Variants in GTF3C3 observed in about 807,000 individuals in gnomAD.
The protein encoded by GTF3C3 is general transcription factor IIIC subunit 3.
Under a neutral mutation model 105.2 loss-of-function variants are expected in GTF3C3, and 75 were observed. The observed-to-expected ratio is 0.71, with a 90% confidence interval of 0.59 to 0.86. The LOEUF is 0.86. GTF3C3 is among the 40% of genes least tolerant of loss of function. GTF3C3 has a pLI of 0.00. For synonymous variants in GTF3C3, 335 were observed against 370.4 expected (o/e 0.90, Z 1.10); for missense variants, 856 against 1,076.5 (o/e 0.80, Z 2.87).
chr2:196,788,788 G>A (rs1699495709), intron 6 of GTF3C3, among the ~76,000 whole-genome samples: 2 of 152,098 alleles, frequency 1.3e-5, no homozygotes, highest in South Asian at 4.1e-4. Flanking sequence ...TACAGGGCTG[G>A]GCACGGTGGC....
chr2:196,790,048 G>A lies in GTF3C3; in HGVS notation c.558C>T (p.Phe186=), dbSNP rs910279415. 1.9e-6 allele frequency: 3 copies of A among 1,608,194 alleles called. No individual in the cohort carries two copies. The highest frequency in any genetic ancestry group is 3.4e-5 in the Admixed American group (2 of 58,696). ...IRQAPLAYEP[F]STLAMIYEDQ... is the part of the protein sequence containing the mutation. The stretch of plus-strand genomic sequence containing the variant: ...CCTCATATATCATGGCTAGAGTAGA[G>A]AATGGCTCATAAGCCAGAGGAGCTA... Residue 186 remains phenylalanine, a synonymous_variant, in exon 5 of 18, where the codon TTC becomes TTT. Coordinates refer to ENST00000263956, the MANE Select transcript of GTF3C3 (RefSeq NM_012086.5).
At chr2:196,788,606 T>C (rs987406693) in intron 6 of GTF3C3, among the ~76,000 whole-genome samples, 1 of 152,206 alleles carries the variant, frequency 6.6e-6, no homozygotes, top group Admixed American at 6.5e-5. Context: ...ATTGCAAATA[T>C]ACACACTTTT....
chr2:196,769,904 G>T lies in GTF3C3; in HGVS notation c.2385+11C>A. 6.3e-7 allele frequency: 1 copy of T among 1,596,268 alleles called. No homozygotes were observed. The highest frequency in any genetic ancestry group is 8.6e-7 in the Non-Finnish European group (1 of 1,169,440). Reference sequence around the variant, plus strand: ...CATAAAATCAAGTAACGAGAAATTTGAATGAATTACCTGTACAATAAGAGC... The same window carrying T: ...CATAAAATCAAGTAACGAGAAATTTTAATGAATTACCTGTACAATAAGAGC... On this transcript the variant is annotated intron_variant, in intron 16 of 17. Transcript: ENST00000263956.
Position 196,776,321 on chromosome 2 carries a change from C to A in GTF3C3, c.1593+106G>T. 1 of 965,584 alleles carries A rather than the reference C, an allele frequency of 1.0e-6. No individual in the cohort carries two copies. The highest frequency in any genetic ancestry group is 2.4e-5 in the East Asian group (1 of 41,082). 59.8% of individuals were successfully genotyped at this position (965,584 alleles called of 1,614,324 possible). A position where few individuals can be genotyped will look rare whatever the true frequency, so the allele number is the denominator to read the frequency against. ...ATCATTTTTCAAAAACTTGAATACA[C>A]TAAAATAAAATTTTGGATATAAGCT... On this transcript the variant is annotated intron_variant, in intron 11 of 17. Transcript: ENST00000263956. This position sits in a 1 kb window ranked among gnomAD's most constrained non-coding sequence, Gnocchi z 4.5.
intron 8 of GTF3C3, among the ~76,000 whole-genome samples, chr2:196,781,357 AATATATATATAT>A (rs1553578901): frequency 1.6e-4 from 3 of 18,812 alleles, no homozygotes; most frequent in African/African-American, 3.1e-4. Flanking sequence ...AAAAAAAAAA[AATATATATATAT>A]ATATATATAT....
chr2:196,769,655 A>G (rs974050550), intron 16 of GTF3C3, among the ~76,000 whole-genome samples: 4 of 152,134 alleles, frequency 2.6e-5, no homozygotes, highest in Non-Finnish European at 5.9e-5. Flanking sequence ...GAAGCCTGCC[A>G]GTGCATTCCT....
rs771772989 is a variant in GTF3C3, at chr2:196,784,737, CTTA to C, written c.1114+117_1114+119del. On this transcript the variant is annotated intron_variant, in intron 8 of 17. Transcript: ENST00000263956. ...GAGAAAAAAATGCTTCTTGGGAAAA[CTTA>C]TTATGAGAACATTAACTATCAACTC... 3.5e-5 allele frequency: 42 copies of C among 1,214,968 alleles called. 1 individual carries two copies. The East Asian group carries it at 8.2e-4, about 24-fold the overall frequency. The allele number at this position is 1,214,968 out of a possible 1,614,324, so 75.3% of individuals were successfully genotyped here.
At position 196,764,501 on chromosome 2, in the gene GTF3C3, G is replaced by C; in HGVS notation, c.*62C>G. ...TTTGGAGTTACAAATAATAAGCCCT[G>C]AGACAGAAGACACTGGTCCTCACAC... On this transcript the variant is annotated 3_prime_UTR_variant, in exon 18 of 18. Transcript: ENST00000263956. 1 of 1,472,190 alleles carries C rather than the reference G, an allele frequency of 6.8e-7. No homozygotes were observed. Among genetic ancestry groups the C allele is most frequent in the Non-Finnish European group, 9.2e-7 (1 of 1,088,112 alleles). The allele number at this position is 1,472,190 out of a possible 1,614,324, so 91.2% of individuals were successfully genotyped here.
At chr2:196,795,465 GGATCATATTCAA>G (rs1699626822) in intron 2 of GTF3C3, among the ~76,000 whole-genome samples, 2 of 152,156 alleles carry the variant, frequency 1.3e-5, no homozygotes, top group Middle Eastern at 6.8e-3. Flanking sequence ...GAAGTCATAA[GGATCATATTCAA>G]GAATTCTGAA....
intron 14 of GTF3C3, among the ~76,000 whole-genome samples, 187 bp from the exon 15 acceptor site, chr2:196,772,125 G>T (rs183686247): frequency 6.6e-6 from 1 of 152,140 alleles, no homozygotes; most frequent in East Asian, 1.9e-4. Flanking sequence ...CCCAGAAAAT[G>T]TTGCTTAAGT....
chr2:196,773,619 A>T (rs762411408), intron 13 of GTF3C3: 1 of 411,250 alleles, frequency 2.4e-6, no homozygotes, highest in South Asian at 1.8e-5. Context: ...TGTGCACTTT[A>T]TTTCCATTAT....
chr2:196,791,272 T>A (rs575524927), intron 4 of GTF3C3, 65 bp downstream of exon 4: 1 of 1,501,398 alleles, frequency 6.7e-7, no homozygotes, highest in Admixed American at 1.7e-5. Context: ...TGTGAAGTGC[T>A]CCCCCATTTG....
intron 16 of GTF3C3, 128 bp downstream of exon 16, chr2:196,769,787 G>T: frequency 1.4e-6 from 1 of 692,874 alleles, no homozygotes; most frequent in Non-Finnish European, 2.4e-6. Context: ...GGTAAGTGTT[G>T]GGGACCCCCG....
chr2:196,784,481 A>G (rs563888605), intron 8 of GTF3C3, among the ~76,000 whole-genome samples: 23 of 152,168 alleles, frequency 1.5e-4, no homozygotes, highest in Non-Finnish European at 2.6e-4. Flanking sequence ...TGAATGCTTA[A>G]GCTTAAAGTC....
chr2:196,764,698 A>C lies in GTF3C3; in HGVS notation c.2539-13T>G. On this transcript the variant is annotated splice_polypyrimidine_tract_variant and intron_variant, in intron 17 of 17. Transcript: ENST00000263956. The stretch of plus-strand genomic sequence containing the variant: ...CAAGTTCTATACCCTAGGGAGAAAA[A>C]GATACCTTTATGTTTAATATTTCCA... The C allele has an allele frequency of 6.2e-7, 1 of 1,602,314 alleles. No homozygotes were observed. The highest frequency in any genetic ancestry group is 1.1e-5 in the South Asian group (1 of 89,946).
Position 196,776,640 on chromosome 2 carries a change from G to A in GTF3C3, c.1391-11C>T. ...AGGCCTTTAAACATTCTAAGATGAT[G>A]TTAAAATAAAGCAAAAGTATGAACT... is the stretch of plus-strand genomic sequence containing the variant. On this transcript the variant is annotated splice_polypyrimidine_tract_variant and intron_variant, in intron 10 of 17. Transcript: ENST00000263956. The surrounding 1 kb of genome is among the most constrained non-coding windows in gnomAD (Gnocchi z 4.5). 6.3e-7 allele frequency: 1 copy of A among 1,588,096 alleles called. No individual in the cohort carries two copies. Among genetic ancestry groups the A allele is most frequent in the Non-Finnish European group, 8.6e-7 (1 of 1,159,330 alleles).
chr2:196,772,999 C>G lies in GTF3C3; in HGVS notation c.1986G>C (p.Arg662Ser). 1.9e-6 allele frequency: 3 copies of G among 1,610,094 alleles called. No homozygotes were observed. Among genetic ancestry groups the G allele is most frequent in the Non-Finnish European group, 2.5e-6 (3 of 1,178,804 alleles). Residue 662 changes from arginine to serine, a missense_variant, in exon 14 of 18, where the codon AGG becomes AGC. Around this residue, in one of 3 missense-constraint regions of GTF3C3, gnomAD observed 605 missense variants for 833.6 expected, o/e 0.73. Transcript: ENST00000263956. ...SLEYYSFYDD[R>S]QKRKELEYFG... Reference sequence around the variant, plus strand: ...AGTATTCTAGTTCTTTGCGTTTTTGCCTGTCATCATAAAATGAGTAATATT... The same window carrying G: ...AGTATTCTAGTTCTTTGCGTTTTTGGCTGTCATCATAAAATGAGTAATATT...
chr2:196,789,424 G>T, intron 5 of GTF3C3, 55 bp from the exon 6 acceptor site: 2 of 1,224,192 alleles, frequency 1.6e-6, no homozygotes, highest in South Asian at 3.1e-5. Context: ...ATGGTACCTG[G>T]GTGTGATCCA....
intron 8 of GTF3C3, among the ~76,000 whole-genome samples, chr2:196,783,476 T>G (rs541193712): frequency 1.3e-5 from 2 of 152,196 alleles, no homozygotes; most frequent in Non-Finnish European, 2.9e-5. Flanking sequence ...GGCTCGTGCC[T>G]AAGCCAGGTC....
Sources: allele counts gnomAD v4.1 joint callset (sites outside exome capture counted in the v4.1 genomes callset), GRCh38; gene constraint gnomAD v4.1.1; regional missense constraint gnomAD v4.1.1; non-coding constraint Gnocchi (gnomAD v3.1); transcripts MANE v1.5; gene names NCBI Gene and HGNC (gene_info 2026-07-23, HGNC 2026-07-21).